MPPED2: variants seen among roughly 807,000 people sequenced by gnomAD.
The protein encoded by MPPED2 is metallophosphoesterase MPPED2.
Under a neutral mutation model 33.0 loss-of-function variants are expected in MPPED2, and 5 were observed. The ratio of observed to expected loss-of-function variants is 0.15; its 90% confidence interval spans 0.08 to 0.32. The LOEUF is 0.32. Ranked by LOEUF, MPPED2 falls within the 10% of genes least tolerant of loss-of-function variation. MPPED2 has a pLI of 1.00. For synonymous variants in MPPED2, 136 were observed against 141.9 expected (o/e 0.96, Z 0.29); for missense variants, 275 against 372.1 (o/e 0.74, Z 2.15).
intron 3 of MPPED2, among the ~76,000 whole-genome samples, chr11:30,531,466 T>C (rs1351246254): frequency 1.3e-5 from 2 of 152,150 alleles, no homozygotes; most frequent in African/African-American, 2.4e-5. Flanking sequence ...GGTAGAGATT[T>C]GGGAGGAAAG....
At chr11:30,489,017 GTTTC>G (rs1951856581) in intron 4 of MPPED2, among the ~76,000 whole-genome samples, 2 of 147,686 alleles carry the variant, frequency 1.4e-5, no homozygotes, top group South Asian at 4.3e-4. Flanking sequence ...ACAAGGAGCT[GTTTC>G]TTTCTTTTCT....
At chr11:30,499,995 C>T (rs1952483167) in intron 3 of MPPED2, among the ~76,000 whole-genome samples, 1 of 152,106 alleles carries the variant, frequency 6.6e-6, no homozygotes, top group African/African-American at 2.4e-5. Flanking sequence ...AGAGATCTCC[C>T]CTCTCTGATT....
At chr11:30,570,357 C>G (rs965355576) in intron 2 of MPPED2, among the ~76,000 whole-genome samples, 2 of 152,126 alleles carry the variant, frequency 1.3e-5, no homozygotes, top group East Asian at 3.9e-4. Context: ...AATACCACCA[C>G]CTTGGGAGTT....
At position 30,398,916 on chromosome 11, in the gene MPPED2, TTTTA is replaced by T. The variant is rs371011781; in HGVS notation, c.767-9964_767-9961del. ...TTGATGATAATGGTTATAAATGTTT[TTTTA>T]TTTGAGAGGCATGGGACATACGTGA... On this transcript the variant is annotated intron_variant, in intron 6 of 6. Transcript: ENST00000448418. 1.2e-3 allele frequency among the ~76,000 whole-genome samples: 179 copies of T among 152,282 alleles called. 1 individual carries two copies. The highest frequency in any genetic ancestry group is 4.0e-3 in the African/African-American group (167 of 41,562).
chr11:30,397,869 A>T (rs747996719), intron 6 of MPPED2, among the ~76,000 whole-genome samples: 5 of 152,118 alleles, frequency 3.3e-5, no homozygotes, highest in Non-Finnish European at 7.4e-5. Flanking sequence ...TCATCATCTG[A>T]GGTTCATTTT....
At chr11:30,385,485 A>C (rs958251924) in exon 7 of MPPED2, 5 of 152,156 alleles carry the variant, frequency 3.3e-5, no homozygotes, top group African/African-American at 4.8e-5. Flanking sequence ...ATGCAAGCAC[A>C]CTGTTACTGA....
At chr11:30,542,459 C>CAAAAAAAA (rs59474313) in intron 2 of MPPED2, among the ~76,000 whole-genome samples, 325 of 77,748 alleles carry the variant, frequency 4.2e-3, no homozygotes, top group East Asian at 0.014. Context: ...ACCAAAAGTA[C>CAAAAAAAA]AAAAAAAAAA....
chr11:30,513,583 C>T (rs1460522102), intron 3 of MPPED2, among the ~76,000 whole-genome samples: 2 of 152,146 alleles, frequency 1.3e-5, no homozygotes, highest in African/African-American at 2.4e-5. Context: ...GGTTAAACTG[C>T]TCCAAACAGC....
At chr11:30,526,793 G>A (rs1234803050) in intron 3 of MPPED2, among the ~76,000 whole-genome samples, 1 of 152,036 alleles carries the variant, frequency 6.6e-6, no homozygotes, top group Non-Finnish European at 1.5e-5. Flanking sequence ...ACATTCCAGT[G>A]AGGCTGCTCT....
chr11:30,427,943 G>T (rs887406059), intron 4 of MPPED2, among the ~76,000 whole-genome samples: 1 of 152,148 alleles, frequency 6.6e-6, no homozygotes, highest in Non-Finnish European at 1.5e-5. Flanking sequence ...AGAATTTGGA[G>T]AATTCAACAT....
intron 6 of MPPED2, among the ~76,000 whole-genome samples, chr11:30,403,059 C>A (rs1306297902): frequency 6.6e-6 from 1 of 152,090 alleles, no homozygotes; most frequent in Non-Finnish European, 1.5e-5. Flanking sequence ...TCCTGGCTAA[C>A]ATGGTGAAAC....
At chr11:30,455,641 C>T (rs1950249534) in intron 4 of MPPED2, among the ~76,000 whole-genome samples, 2 of 152,182 alleles carry the variant, frequency 1.3e-5, no homozygotes, top group Admixed American at 1.3e-4. Context: ...CTTTCCTCCC[C>T]ATATGGGATG....
chr11:30,452,091 A>C, intron 4 of MPPED2: 2 of 985,430 alleles, frequency 2.0e-6, no homozygotes, highest in South Asian at 9.4e-5. Flanking sequence ...TCACTGTGGA[A>C]AGAAAGCAGA....
chr11:30,493,299 A>G (rs1952073135), intron 4 of MPPED2, among the ~76,000 whole-genome samples: 2 of 150,212 alleles, frequency 1.3e-5, no homozygotes, highest in African/African-American at 4.9e-5. Flanking sequence ...TGAACCCGGA[A>G]GGCGGAGCTT....
chr11:30,435,316 ATCT>A lies in MPPED2; in HGVS notation c.537-17686_537-17684del, dbSNP rs757924322. On this transcript the variant is annotated intron_variant, in intron 4 of 6. Transcript: ENST00000358117. ...TGAAATGTCTGCTAGCCAGTCAAAT[ATCT>A]TCTTCTTAAAGCCTTTTAACAAGCA... Among the ~76,000 whole-genome samples, 4 of 152,200 alleles carry A rather than the reference ATCT, an allele frequency of 2.6e-5. No individual in the cohort carries two copies. In the East Asian group the frequency reaches 5.8e-4, roughly 22 times the overall value.
At chr11:30,433,295 G>A (rs1025681503) in intron 4 of MPPED2, among the ~76,000 whole-genome samples, 2 of 152,182 alleles carry the variant, frequency 1.3e-5, no homozygotes, top group African/African-American at 4.8e-5. Flanking sequence ...AAAGAAGCCT[G>A]TTTGATGTAA....
chr11:30,418,622 T>C (rs1214166609), intron 4 of MPPED2, among the ~76,000 whole-genome samples: 1 of 152,242 alleles, frequency 6.6e-6, no homozygotes, highest in Non-Finnish European at 1.5e-5. Flanking sequence ...TGCTAAGGCA[T>C]ACATGTAACA....
chr11:30,540,338 A>G (rs1955029632), intron 2 of MPPED2, among the ~76,000 whole-genome samples: 1 of 152,160 alleles, frequency 6.6e-6, no homozygotes, highest in Non-Finnish European at 1.5e-5. Flanking sequence ...AATCCACTCC[A>G]CAACTTATTA....
intron 3 of MPPED2, among the ~76,000 whole-genome samples, chr11:30,529,532 T>C (rs932307135): frequency 6.6e-6 from 1 of 152,066 alleles, no homozygotes; most frequent in Non-Finnish European, 1.5e-5. Flanking sequence ...TTTGTGTGTG[T>C]GTGTGTGTGT....
Sources: gnomAD v4.1 joint callset for allele counts (sites outside exome capture counted in the v4.1 genomes callset) on GRCh38, gnomAD v4.1.1 for gene constraint, MANE v1.5 for transcripts, NCBI Gene and HGNC (gene_info 2026-07-23, HGNC 2026-07-21) for gene names.